AGO4: variants seen among roughly 807,000 people sequenced by gnomAD.
The protein encoded by AGO4 is argonaute RISC component 4.
In AGO4, 33 loss-of-function variants were observed where a neutral mutation model predicts 104.7. That is an observed-to-expected ratio of 0.32 (90% CI 0.24 to 0.42). The LOEUF (loss-of-function observed/expected upper bound fraction) is 0.42, where lower values mean the gene tolerates loss of function less well. AGO4 is among the 10% of genes least tolerant of loss of function. The pLI is 1.00. For synonymous variants in AGO4, 331 were observed against 364.7 expected (o/e 0.91, Z 1.05); for missense variants, 711 against 1,083.4 (o/e 0.66, Z 4.83).
In AGO4 at chr1:35,841,777, T is replaced by A. The variant is rs1644449102; in HGVS notation, c.2175+27T>A. Reference sequence around the variant, plus strand: ...TAAGAAGATATAATATAAGCTTTGTTATCTGAGGCTCTGGCAAGAGATGTA... The same window carrying A: ...TAAGAAGATATAATATAAGCTTTGTAATCTGAGGCTCTGGCAAGAGATGTA... On this transcript the variant is annotated intron_variant, in intron 15 of 17. Transcript: ENST00000373210. This position sits in a 1 kb window ranked among gnomAD's most constrained non-coding sequence, Gnocchi z 4.7. 1.9e-6 allele frequency: 3 copies of A among 1,604,252 alleles called. No individual in the cohort carries two copies. The highest frequency in any genetic ancestry group is 2.6e-6 in the Non-Finnish European group (3 of 1,174,568).
chr1:35,807,950 C>CAGA (rs1392390111), upstream of AGO4, among the ~76,000 whole-genome samples: 1 of 151,762 alleles, frequency 6.6e-6, no homozygotes, highest in African/African-American at 2.4e-5. Context: ...GTGGACGGGG[C>CAGA]AGAGCGGGCC....
At chr1:35,824,431 A>G (rs955631599) in intron 3 of AGO4, among the ~76,000 whole-genome samples, 2 of 151,766 alleles carry the variant, frequency 1.3e-5, no homozygotes, top group Non-Finnish European at 2.9e-5. Context: ...ATTTCTATAC[A>G]TTTATATCTA....
rs1644835172 is a variant in AGO4 at position 35,857,156 on chromosome 1, C to T, written c.*3551C>T. On this transcript the variant is annotated 3_prime_UTR_variant, in exon 18 of 18. Transcript: ENST00000373210. ...ATATAATCCACTGTTTAACAAGGCT[C>T]ACCCTCTCCACCCTGTCCTAACGAC... is the stretch of plus-strand genomic sequence containing the variant. 1 of 152,198 alleles carries T rather than the reference C, an allele frequency of 6.6e-6. No individual in the cohort carries two copies. Among genetic ancestry groups the T allele is most frequent in the South Asian group, 2.1e-4 (1 of 4,834 alleles). 9.4% of individuals were successfully genotyped at this position (152,198 alleles called of 1,614,324 possible).
chr1:35,831,771 G>T, intron 8 of AGO4, 41 bp from the exon 9 acceptor site: 1 of 1,611,154 alleles, frequency 6.2e-7, no homozygotes, highest in Non-Finnish European at 8.5e-7. Context: ...TTAAGATGTG[G>T]AACCCTTTAC....
At chr1:35,840,153 G>A (rs931287052) in intron 13 of AGO4, among the ~76,000 whole-genome samples, 3 of 148,354 alleles carry the variant, frequency 2.0e-5, no homozygotes, top group Admixed American at 6.7e-5. Context: ...CTCCATGCCC[G>A]TCTAATTTTT....
intron 2 of AGO4, among the ~76,000 whole-genome samples, chr1:35,819,456 C>T (rs1253232440): frequency 6.6e-6 from 1 of 151,486 alleles, no homozygotes; most frequent in African/African-American, 2.4e-5. Flanking sequence ...AGGCCGCGCG[C>T]GGTGGCTCAC....
chr1:35,809,638 G>A (rs901492759), intron 1 of AGO4, among the ~76,000 whole-genome samples: 1 of 152,130 alleles, frequency 6.6e-6, no homozygotes, highest in East Asian at 1.9e-4. Flanking sequence ...ATTATGCCAG[G>A]TTAACTTCAG....
At chr1:35,836,232 T>C (rs1233157701) in intron 13 of AGO4, among the ~76,000 whole-genome samples, 2 of 152,212 alleles carry the variant, frequency 1.3e-5, no homozygotes, top group Non-Finnish European at 2.9e-5. Flanking sequence ...CTATCACCTA[T>C]CCAGATTACT....
chr1:35,852,069 A>G (rs1479003400), intron 17 of AGO4, among the ~76,000 whole-genome samples: 2 of 152,218 alleles, frequency 1.3e-5, no homozygotes, highest in African/African-American at 4.8e-5. Context: ...GGCAGAGAGA[A>G]CAAGGGACAC....
chr1:35,812,343 C>T (rs532281654), intron 1 of AGO4, among the ~76,000 whole-genome samples: 1 of 152,250 alleles, frequency 6.6e-6, no homozygotes, highest in Non-Finnish European at 1.5e-5. Context: ...ATAATATTTA[C>T]TTTTTGCCAC....
intron 6 of AGO4, 73 bp downstream of exon 6, chr1:35,826,133 CACAG>C (rs1644013769): frequency 1.3e-6 from 2 of 1,576,486 alleles, no homozygotes; most frequent in African/African-American, 1.3e-5. Context: ...TCTGGAGTCA[CACAG>C]ACCTGGGCTT....
rs1222026721 is a variant in AGO4, at chr1:35,808,717, C to T, written c.19+282C>T. 1.3e-5 allele frequency among the ~76,000 whole-genome samples: 2 copies of T among 152,206 alleles called. No individual in the cohort carries two copies. Among genetic ancestry groups the T allele is most frequent in the East Asian group, 1.9e-4 (1 of 5,158 alleles). On this transcript the variant is annotated intron_variant, in intron 1 of 17. Coordinates refer to ENST00000373210, the MANE Select transcript of AGO4 (RefSeq NM_017629.4). The surrounding 1 kb of genome is among the most constrained non-coding windows in gnomAD (Gnocchi z 5.2). Reference sequence around the variant, plus strand: ...CACTCTTGGCCCCACCTCGGGGAGACGATATGTGCCCGGGGTCGCGACGAG... The same window carrying T: ...CACTCTTGGCCCCACCTCGGGGAGATGATATGTGCCCGGGGTCGCGACGAG...
intron 1 of AGO4, among the ~76,000 whole-genome samples, chr1:35,815,084 G>A (rs1204080490): frequency 6.6e-6 from 1 of 152,146 alleles, no homozygotes; most frequent in Non-Finnish European, 1.5e-5. Flanking sequence ...TACTATGCTG[G>A]CCAGGCTGGT....
At chr1:35,833,446 A>T (rs1200498879) in intron 11 of AGO4, among the ~76,000 whole-genome samples, 2 of 152,230 alleles carry the variant, frequency 1.3e-5, no homozygotes, top group African/African-American at 4.8e-5. Context: ...AAAATTTAAA[A>T]CTTCAAAGTG....
intron 2 of AGO4, among the ~76,000 whole-genome samples, chr1:35,820,483 G>A (rs192914705): frequency 6.6e-5 from 10 of 151,974 alleles, no homozygotes; most frequent in Admixed American, 3.3e-4. Context: ...TCAGCCTCCC[G>A]AGTAGCTGGG....
rs201060270 is a variant in AGO4 at position 35,825,824 on chromosome 1, G to A, written c.625+9G>A. On this transcript the variant is annotated intron_variant, in intron 5 of 17. Transcript: ENST00000373210. ...GATGCTCAACATTGATGGTAGGATG[G>A]AACTCTCTTTATCCAATAACTCTTT... 4.3e-5 allele frequency: 68 copies of A among 1,584,702 alleles called. No individual in the cohort carries two copies. The African/African-American group carries it at 9.0e-4, about 21-fold the overall frequency.
Position 35,835,886 on chromosome 1 carries a change from C to G in AGO4, c.1617C>G (p.Val539=). 2 of 1,613,794 alleles carry G rather than the reference C, an allele frequency of 1.2e-6. No homozygotes were observed. Among genetic ancestry groups the G allele is most frequent in the Non-Finnish European group, 1.7e-6 (2 of 1,179,888 alleles). Residue 539 remains valine (V), a synonymous_variant, in exon 13 of 18, where the codon GTC becomes GTG. Coordinates refer to ENST00000373210, the MANE Select transcript of AGO4 (RefSeq NM_017629.4). ...TTCTAGGTATGGCCACACAGTGTGT[C>G]CAGGTAAAAAATGTAGTGAAGACCT... ...DTLLGMATQC[V]QVKNVVKTSP...
rs930005110 is a variant in AGO4, at chr1:35,808,408, G to A, written c.-9G>A. The A allele has an allele frequency of 9.0e-7, 1 of 1,115,876 alleles. No homozygotes were observed. The highest frequency in any genetic ancestry group is 4.6e-5 in the East Asian group (1 of 21,564). The allele number at this position is 1,115,876 out of a possible 1,614,324, so 69.1% of individuals were successfully genotyped here. On this transcript the variant is annotated 5_prime_UTR_variant, in exon 1 of 18. Transcript: ENST00000373210. The surrounding 1 kb of genome is among the most constrained non-coding windows in gnomAD (Gnocchi z 5.2). ...CGGGGACCGGGGCGAGGCGGCCCCCGCCGCCGCCATGGAGGCGCTGGGACC... is the reference window on the plus strand; with the variant it reads ...CGGGGACCGGGGCGAGGCGGCCCCCACCGCCGCCATGGAGGCGCTGGGACC...
chr1:35,820,307 A>C (rs1643865447), intron 2 of AGO4, among the ~76,000 whole-genome samples: 1 of 152,170 alleles, frequency 6.6e-6, no homozygotes, highest in Non-Finnish European at 1.5e-5. Flanking sequence ...GGAGCACAGA[A>C]ATAGAATGTT....
Sources: gnomAD v4.1 joint callset for allele counts (sites outside exome capture counted in the v4.1 genomes callset) on GRCh38, gnomAD v4.1.1 for gene constraint, Gnocchi (gnomAD v3.1) non-coding constraint, MANE v1.5 for transcripts, NCBI Gene and HGNC (gene_info 2026-07-23, HGNC 2026-07-21) for gene names.